The following DGKH variants were observed in gnomAD, a reference collection of about 807,000 sequenced individuals.
DGKH encodes diacylglycerol kinase eta.
DGKH carries 90 observed loss-of-function variants against 159.3 expected under a neutral mutation model. That is an observed-to-expected ratio of 0.57 (90% CI 0.48 to 0.67). The LOEUF is 0.67. Among genes scored for constraint, DGKH ranks in the 30% least tolerant of loss-of-function variants. The probability of loss-of-function intolerance (pLI) is 0.00; values close to 1 mark genes in which losing one functional copy is unlikely to be tolerated. For synonymous variants in DGKH, 536 were observed against 553.8 expected (o/e 0.97, Z 0.45); for missense variants, 1,181 against 1,506.1 (o/e 0.78, Z 3.57).
downstream of DGKH, among the ~76,000 whole-genome samples, chr13:42,244,676 G>A (rs949652102): frequency 6.6e-6 from 1 of 151,782 alleles, no homozygotes; most frequent in Non-Finnish European, 1.5e-5. Flanking sequence ...AGGCCGAGGC[G>A]GGCGGATCAC....
intron 1 of DGKH, chr13:42,071,187 A>C (rs541373203): frequency 5.9e-6 from 3 of 507,466 alleles, no homozygotes; most frequent in African/African-American, 5.9e-5. Flanking sequence ...TCTTTCAAAA[A>C]GGGATAAGAA....
In DGKH at chr13:42,235,950, A is replaced by G. The variant is rs911433481; in HGVS notation, c.*6762A>G. On this transcript the variant is annotated 3_prime_UTR_variant, in exon 30 of 30. Coordinates refer to ENST00000337343, the MANE Select transcript of DGKH (RefSeq NM_178009.5). ...AATTTTTCTTATCTTTTTATATCAAAATAATTATGCTGGCTATTCAAACTG... is the reference window on the plus strand; with the variant it reads ...AATTTTTCTTATCTTTTTATATCAAGATAATTATGCTGGCTATTCAAACTG... 2 of 152,122 alleles carry G rather than the reference A, an allele frequency of 1.3e-5. No individual in the cohort carries two copies. The highest frequency in any genetic ancestry group is 4.8e-5 in the African/African-American group (2 of 41,450). 9.4% of individuals were successfully genotyped at this position (152,122 alleles called of 1,614,324 possible).
intron 1 of DGKH, among the ~76,000 whole-genome samples, chr13:42,088,965 GTTATA>G (rs1290608500): frequency 6.6e-6 from 1 of 152,134 alleles, no homozygotes; most frequent in Non-Finnish European, 1.5e-5. Flanking sequence ...AACTAGAGTT[GTTATA>G]TTAATATCAG....
chr13:42,221,680 G>A lies in DGKH; in HGVS notation c.3573+286G>A, dbSNP rs1311554221. On this transcript the variant is annotated intron_variant, in intron 29 of 29. Transcript: ENST00000337343. ...TGTTGCTGTGCTAGTATTTCCAAAT[G>A]GATCATGTTTCCATCAGCTCATTTT... is the stretch of plus-strand genomic sequence containing the variant. 8.5e-5 allele frequency among the ~76,000 whole-genome samples: 13 copies of A among 152,226 alleles called. No homozygotes were observed. In the South Asian group the frequency reaches 2.7e-3, roughly 32 times the overall value.
At chr13:42,078,710 C>G (rs1046948411) in intron 1 of DGKH, among the ~76,000 whole-genome samples, 1 of 151,986 alleles carries the variant, frequency 6.6e-6, no homozygotes, top group Non-Finnish European at 1.5e-5. Flanking sequence ...ATTCCACTTG[C>G]CAGAAATAAC....
upstream of DGKH, chr13:42,048,645 C>G (rs1366296046): frequency 1.0e-5 from 12 of 1,149,560 alleles, no homozygotes; most frequent in East Asian, 3.4e-5. This position sits in a 1 kb window ranked among gnomAD's most constrained non-coding sequence, Gnocchi z 6.7. Flanking sequence ...GCGGGGGTAG[C>G]TAGGGAAACG....
At position 42,190,490 on chromosome 13, in the gene DGKH, A is replaced by G; in HGVS notation, c.2000A>G (p.Glu667Gly). ...DSTETDESKEEAKDDGAKESI... is the reference protein window; with the variant it reads ...DSTETDESKEGAKDDGAKESI... Reference sequence around the variant, plus strand: ...ACAGAAACAGATGAATCTAAGGAGGAAGCTAAAGATGATGGTGCCAAAGAA... The same window carrying G: ...ACAGAAACAGATGAATCTAAGGAGGGAGCTAAAGATGATGGTGCCAAAGAA... Residue 667 changes from glutamate to glycine, a missense_variant, in exon 16 of 30, where the codon GAA becomes GGA. By Grantham distance (98) the Glu-to-Gly change is moderately conservative. Around this residue, in one of 5 missense-constraint regions of DGKH, gnomAD observed 257 missense variants for 281.5 expected, o/e 0.91. Coordinates refer to ENST00000337343, the MANE Select transcript of DGKH (RefSeq NM_178009.5). The G allele has an allele frequency of 2.5e-6, 4 of 1,607,060 alleles. No individual in the cohort carries two copies. The highest frequency in any genetic ancestry group is 2.5e-6 in the Non-Finnish European group (3 of 1,177,530).
chr13:42,196,383 A>C (rs1386826105), intron 17 of DGKH, among the ~76,000 whole-genome samples: 2 of 152,220 alleles, frequency 1.3e-5, no homozygotes, highest in African/African-American at 4.8e-5. Context: ...ATAGCCCCAA[A>C]GTGGAAGCAA....
At chr13:42,220,026 A>G (rs1410730578) in intron 28 of DGKH, among the ~76,000 whole-genome samples, 2 of 152,216 alleles carry the variant, frequency 1.3e-5, no homozygotes, top group African/African-American at 2.4e-5. Context: ...ACATCTGAGT[A>G]TCAGTGGGAA....
At chr13:42,141,294 G>A (rs1162698036) in intron 3 of DGKH, among the ~76,000 whole-genome samples, 3 of 151,826 alleles carry the variant, frequency 2.0e-5, no homozygotes, top group African/African-American at 7.3e-5. Flanking sequence ...TCTTAATCCA[G>A]TCTATCATTG....
chr13:42,253,496 C>T (rs562039047), intron 30 of DGKH, among the ~76,000 whole-genome samples: 8 of 152,256 alleles, frequency 5.3e-5, no homozygotes, highest in East Asian at 3.9e-4. Context: ...ATATTTCTTA[C>T]GTATAAACTA....
intron 1 of DGKH, among the ~76,000 whole-genome samples, chr13:42,058,658 A>G (rs866158897): frequency 2.0e-5 from 3 of 152,164 alleles, no homozygotes; most frequent in East Asian, 1.9e-4. Context: ...GTGTTTTTCT[A>G]TTCTTCTTGG....
chr13:42,248,381 G>T (rs1958596359), intron 29 of DGKH, among the ~76,000 whole-genome samples: 3 of 150,910 alleles, frequency 2.0e-5, no homozygotes, highest in Non-Finnish European at 4.4e-5. Flanking sequence ...ACCTGAGACG[G>T]GGCCACTGCA....
chr13:42,146,354 A>G (rs576111926), intron 3 of DGKH, among the ~76,000 whole-genome samples: 2 of 152,312 alleles, frequency 1.3e-5, no homozygotes, highest in South Asian at 2.1e-4. Context: ...GACAGAGTGT[A>G]AAGAAAGGTT....
At chr13:42,192,476 G>T (rs1368955530) in intron 16 of DGKH, among the ~76,000 whole-genome samples, 1 of 152,122 alleles carries the variant, frequency 6.6e-6, no homozygotes, top group Non-Finnish European at 1.5e-5. Flanking sequence ...AGTTTAAGGA[G>T]CAATTTCATA....
Position 42,048,873 on chromosome 13 carries a change from C to T in DGKH, c.100C>T (p.Pro34Ser). Reference sequence around the variant, plus strand: ...CACCTCCGCCGCTGCCTCGGCGGGGCCGGGAGAGGATTCGTCTGACAGCGA... The same window carrying T: ...CACCTCCGCCGCTGCCTCGGCGGGGTCGGGAGAGGATTCGTCTGACAGCGA... The part of the protein sequence containing the change: ...AVTSAAASAG[P>S]GEDSSDSEAE... Residue 34 changes from proline (P) to serine (S), a missense_variant, in exon 1 of 30, where the codon CCG becomes TCG. Physicochemically the swap from Pro to Ser is moderately conservative, Grantham distance 74. Transcript: ENST00000337343. This position sits in a 1 kb window ranked among gnomAD's most constrained non-coding sequence, Gnocchi z 6.7. The T allele has an allele frequency of 7.3e-7, 1 of 1,373,894 alleles. No homozygotes were observed. Among genetic ancestry groups the T allele is most frequent in the Non-Finnish European group, 9.4e-7 (1 of 1,058,886 alleles). The allele number at this position is 1,373,894 out of a possible 1,614,324, so 85.1% of individuals were successfully genotyped here. A position where few individuals can be genotyped will look rare whatever the true frequency, so the allele number is the denominator to read the frequency against.
intron 21 of DGKH, among the ~76,000 whole-genome samples, chr13:42,207,007 C>CTTTCTTTCT (rs1347447244): frequency 1.4e-5 from 2 of 142,216 alleles, no homozygotes; most frequent in Admixed American, 1.5e-4. Context: ...TTCTTTCTTT[C>CTTTCTTTCT]TTTCTTTCTT....
intron 24 of DGKH, among the ~76,000 whole-genome samples, chr13:42,211,298 G>A (rs535694355): frequency 6.6e-6 from 1 of 152,288 alleles, no homozygotes; most frequent in South Asian, 2.1e-4. Context: ...AATAGGGTGT[G>A]TGAAGATTAA....
At chr13:42,170,731 T>C (rs929916205) in intron 11 of DGKH, among the ~76,000 whole-genome samples, 4 of 152,094 alleles carry the variant, frequency 2.6e-5, no homozygotes, top group African/African-American at 9.7e-5. Flanking sequence ...TTACCTGAGG[T>C]CAGGAGTTCG....
Sources: allele counts gnomAD v4.1 joint callset (sites outside exome capture counted in the v4.1 genomes callset), GRCh38; gene constraint gnomAD v4.1.1; regional missense constraint gnomAD v4.1.1; non-coding constraint Gnocchi (gnomAD v3.1); transcripts MANE v1.5; gene names NCBI Gene and HGNC (gene_info 2026-07-23, HGNC 2026-07-21).